ASH1L: variants seen among roughly 807,000 people sequenced by gnomAD.
ASH1L encodes ASH1 like histone lysine methyltransferase.
In ASH1L, 23 loss-of-function variants were observed where a neutral mutation model predicts 269.0. The ratio of observed to expected loss-of-function variants is 0.09; its 90% CI spans 0.06 to 0.12. The LOEUF (loss-of-function observed/expected upper bound fraction) is 0.12, where lower values mean the gene tolerates loss of function less well. ASH1L is among the 10% of genes least tolerant of loss of function. ASH1L has a pLI of 1.00. For synonymous variants in ASH1L, 1,187 were observed against 1,253.5 expected, an observed-to-expected ratio of 0.95 and a Z score of 1.12; for missense variants, 2,912 against 3,567.8, an observed-to-expected ratio of 0.82 and a Z score of 4.68.
intron 1 of ASH1L, among the ~76,000 whole-genome samples, chr1:155,528,435 CTT>C (rs55750350): frequency 1.4e-5 from 2 of 144,372 alleles, no homozygotes; most frequent in Admixed American, 7.0e-5. Context: ...ATTGCAATAG[CTT>C]TTTTTTTTTT....
At chr1:155,510,411 CAAAAAAAAAA>C (rs1161549080) in intron 2 of ASH1L, among the ~76,000 whole-genome samples, 3 of 40,960 alleles carry the variant, frequency 7.3e-5, no homozygotes, top group Non-Finnish European at 1.7e-4. Flanking sequence ...AAGGCTGCCT[CAAAAAAAAAA>C]AAAAAAAAAA....
At chr1:155,541,045 C>A (rs1207845894) in intron 1 of ASH1L, among the ~76,000 whole-genome samples, 1 of 152,054 alleles carries the variant, frequency 6.6e-6, no homozygotes, top group Non-Finnish European at 1.5e-5. Flanking sequence ...GGCAGATCAC[C>A]CTGCTAAGTG....
At chr1:155,388,243 T>C (rs1657602480) in intron 7 of ASH1L, among the ~76,000 whole-genome samples, 2 of 152,214 alleles carry the variant, frequency 1.3e-5, no homozygotes, top group Admixed American at 6.5e-5. Flanking sequence ...ATGTCTTATA[T>C]AGTAACTGCT....
chr1:155,485,909 G>A (rs1226637160), intron 2 of ASH1L, among the ~76,000 whole-genome samples: 1 of 150,620 alleles, frequency 6.6e-6, no homozygotes, highest in Non-Finnish European at 1.5e-5. Context: ...CTTTGAACTA[G>A]TCACTATGTT....
At chr1:155,541,197 G>A (rs983516471) in intron 1 of ASH1L, among the ~76,000 whole-genome samples, 7 of 152,112 alleles carry the variant, frequency 4.6e-5, no homozygotes, top group Non-Finnish European at 1.0e-4. Context: ...AAAGCACCTA[G>A]AACATAAAGG....
intron 13 of ASH1L, among the ~76,000 whole-genome samples, chr1:155,358,332 A>C (rs957572827): frequency 6.6e-6 from 1 of 152,130 alleles, no homozygotes; most frequent in Non-Finnish European, 1.5e-5. Context: ...GGCACTATGT[A>C]TCTCAGAAAG....
At chr1:155,378,127 C>T (rs1390295925) in intron 10 of ASH1L, among the ~76,000 whole-genome samples, 154 bp downstream of exon 10, 1 of 152,108 alleles carries the variant, frequency 6.6e-6, no homozygotes, top group African/African-American at 2.4e-5. Flanking sequence ...CATTCATTTT[C>T]TGTTTCTGTA....
chr1:155,340,570 C>T (rs1015043135), intron 25 of ASH1L, among the ~76,000 whole-genome samples: 2 of 151,988 alleles, frequency 1.3e-5, no homozygotes, highest in Admixed American at 6.6e-5. Context: ...GGAGCTCAGC[C>T]AGGGTTTTAT....
chr1:155,459,915 AG>A lies in ASH1L; in HGVS notation c.4985-18del. On this transcript the variant is annotated intron_variant, in intron 3 of 27. Coordinates refer to ENST00000392403, the MANE Select transcript of ASH1L (RefSeq NM_018489.3). ...GCTGGGAGCCTGGAGAAAGAGAAAA[AG>A]ATAGAAATCATAGGAAAATTCAACT... is the stretch of plus-strand genomic sequence containing the variant. 6.4e-7 allele frequency: 1 copy of A among 1,552,286 alleles called. No individual in the cohort carries two copies. The highest frequency in any genetic ancestry group is 2.3e-5 in the East Asian group (1 of 44,124).
intron 2 of ASH1L, among the ~76,000 whole-genome samples, chr1:155,490,614 T>TCTCACACACA (rs1553267799): frequency 7.0e-6 from 1 of 142,310 alleles, no homozygotes; most frequent in Non-Finnish European, 1.5e-5. Context: ...CCAGACTACG[T>TCTCACACACA]CACACACACA....
At chr1:155,502,899 T>C (rs1173402576) in intron 2 of ASH1L, among the ~76,000 whole-genome samples, 4 of 152,206 alleles carry the variant, frequency 2.6e-5, no homozygotes, top group Non-Finnish European at 5.9e-5. Context: ...TTTTTAAGAG[T>C]TACCAAGTAT....
chr1:155,363,265 G>T (rs945320621), intron 12 of ASH1L, among the ~76,000 whole-genome samples: 1 of 151,988 alleles, frequency 6.6e-6, no homozygotes, highest in African/African-American at 2.4e-5. Context: ...TTATAGGCGT[G>T]AGCCACCGCG....
chr1:155,337,872 C>A (rs1165475547), intron 27 of ASH1L, 121 bp from the exon 28 acceptor site: 2 of 1,099,950 alleles, frequency 1.8e-6, no homozygotes, highest in Non-Finnish European at 2.7e-6. Context: ...AGCAATTTAG[C>A]CCATCCTCCA....
intron 1 of ASH1L, among the ~76,000 whole-genome samples, chr1:155,537,422 T>C (rs143742191): frequency 6.5e-4 from 99 of 152,374 alleles, no homozygotes; most frequent in African/African-American, 2.1e-3. Context: ...TGTTTCATTC[T>C]GACAATAATC....
intron 10 of ASH1L, among the ~76,000 whole-genome samples, chr1:155,373,361 C>G (rs1008667795): frequency 1.3e-5 from 2 of 151,808 alleles, no homozygotes; most frequent in African/African-American, 4.8e-5. Context: ...AATAATGGCT[C>G]GCTGCAGCTC....
At chr1:155,525,049 A>C (rs772015944) in intron 1 of ASH1L, among the ~76,000 whole-genome samples, 31 of 152,050 alleles carry the variant, frequency 2.0e-4, no homozygotes, top group Non-Finnish European at 2.9e-5. Context: ...AGAGTTTGAG[A>C]CCAGTCTAGC....
At chr1:155,488,502 CAAAAAAAA>C (rs368511587) in intron 2 of ASH1L, among the ~76,000 whole-genome samples, 3 of 41,306 alleles carry the variant, frequency 7.3e-5, no homozygotes, top group East Asian at 6.5e-4. Context: ...ACTAAAAATA[CAAAAAAAA>C]AAAAAAAAAA....
intron 6 of ASH1L, among the ~76,000 whole-genome samples, chr1:155,406,924 C>T (rs777331521): frequency 3.9e-5 from 6 of 151,942 alleles, no homozygotes; most frequent in Non-Finnish European, 8.8e-5. Context: ...AATGGGGAAA[C>T]ACACATGAAA....
chr1:155,445,939 C>T (rs1662982197), intron 4 of ASH1L, among the ~76,000 whole-genome samples: 2 of 151,600 alleles, frequency 1.3e-5, no homozygotes, highest in Non-Finnish European at 2.9e-5. Context: ...CACTGTTACC[C>T]ACACTGGTCT....
Sources: allele counts gnomAD v4.1 joint callset (sites outside exome capture counted in the v4.1 genomes callset), GRCh38; gene constraint gnomAD v4.1.1; transcripts MANE v1.5; gene names NCBI Gene and HGNC (gene_info 2026-07-23, HGNC 2026-07-21).